SMURF2: variants seen among roughly 807,000 people sequenced by gnomAD.
SMURF2 encodes SMAD specific E3 ubiquitin protein ligase 2.
Under a neutral mutation model 109.6 loss-of-function variants are expected in SMURF2, and 48 were observed. The observed-to-expected ratio is 0.44, with a 90% CI of 0.35 to 0.56. SMURF2 has a LOEUF of 0.56. SMURF2 is among the 20% of genes least tolerant of loss of function. SMURF2 has a pLI of 0.01. For missense variants in SMURF2, 575 were observed against 909.0 expected (o/e 0.63, Z 4.72); for synonymous variants, 288 against 317.1 (o/e 0.91, Z 0.97).
rs561588032 is a variant in SMURF2, at chr17:64,599,608, C to T, written c.92-1118G>A. Reference sequence around the variant, plus strand: ...TGAGCTCCGCCTTCTGTCAGATCAGCGGCAGCATTAGATGCTCATAGGAGC... The same window carrying T: ...TGAGCTCCGCCTTCTGTCAGATCAGTGGCAGCATTAGATGCTCATAGGAGC... On this transcript the variant is annotated intron_variant, in intron 2 of 18. Coordinates refer to ENST00000262435, the MANE Select transcript of SMURF2 (RefSeq NM_022739.4). Among the ~76,000 whole-genome samples, 13 of 152,300 alleles carry T rather than the reference C, an allele frequency of 8.5e-5. No individual in the cohort carries two copies. The South Asian group carries it at 1.9e-3, about 22-fold the overall frequency.
intron 3 of SMURF2, among the ~76,000 whole-genome samples, chr17:64,593,781 ACT>A (rs1969780344): frequency 6.6e-6 from 1 of 152,146 alleles, no homozygotes; most frequent in African/African-American, 2.4e-5. Flanking sequence ...CACATCTGCC[ACT>A]CTCAAGCTGG....
At chr17:64,637,344 C>A (rs1456711673) in intron 1 of SMURF2, among the ~76,000 whole-genome samples, 7 of 151,790 alleles carry the variant, frequency 4.6e-5, no homozygotes, top group Non-Finnish European at 1.0e-4. Flanking sequence ...CCAGACTGGT[C>A]CCGAACTCCT....
chr17:64,545,746 G>GGGGT lies in SMURF2; in HGVS notation c.*101_*102insACCC, dbSNP rs1968943984. On this transcript the variant is annotated 3_prime_UTR_variant, in exon 19 of 19. Coordinates refer to ENST00000262435, the MANE Select transcript of SMURF2 (RefSeq NM_022739.4). ...AAAAAAAAAAAAAGGGGGGGGGGGG[G>GGGGT]AGTGTTTTCCTGTATTTCAGCATAT... 1 of 271,596 alleles carries GGGGT rather than the reference G, an allele frequency of 3.7e-6. No individual in the cohort carries two copies. 16.8% of individuals were successfully genotyped at this position (271,596 alleles called of 1,614,324 possible). A position where few individuals can be genotyped will look rare whatever the true frequency, so the allele number is the denominator to read the frequency against.
intron 5 of SMURF2, 121 bp from the exon 6 acceptor site, chr17:64,586,291 T>G (rs1413983954): frequency 1.8e-6 from 1 of 549,170 alleles, no homozygotes; most frequent in Non-Finnish European, 3.1e-6. Context: ...AATGAACTCT[T>G]TGGTTTCTAC....
chr17:64,629,477 C>G (rs1248738660), intron 1 of SMURF2, among the ~76,000 whole-genome samples: 3 of 152,100 alleles, frequency 2.0e-5, no homozygotes, highest in Admixed American at 6.5e-5. Flanking sequence ...GCACTCCACC[C>G]TGGACAACAG....
intron 15 of SMURF2, among the ~76,000 whole-genome samples, chr17:64,554,418 G>T (rs1453429425): frequency 1.3e-5 from 2 of 152,142 alleles, no homozygotes; most frequent in Non-Finnish European, 2.9e-5. Flanking sequence ...GAGTGGCTAT[G>T]GGGGGAGGGA....
At chr17:64,609,533 T>TA (rs1970014418) in intron 1 of SMURF2, among the ~76,000 whole-genome samples, 2 of 152,226 alleles carry the variant, frequency 1.3e-5, no homozygotes, top group Admixed American at 6.5e-5. Context: ...AAGGATTCCC[T>TA]ATGTAATAAA....
At chr17:64,650,752 C>T (rs2144733443) in intron 1 of SMURF2, among the ~76,000 whole-genome samples, 1 of 152,094 alleles carries the variant, frequency 6.6e-6, no homozygotes, top group East Asian at 1.9e-4. Flanking sequence ...ATTGCTTGAA[C>T]CTGAGAGGCT....
rs146827815 is a variant in SMURF2 at position 64,656,590 on chromosome 17, T to C, written c.52+5239A>G. Among the ~76,000 whole-genome samples the C allele has an allele frequency of 4.5e-4, 68 of 152,140 alleles. No individual in the cohort carries two copies. The East Asian group carries it at 0.013, about 28-fold the overall frequency. ...AGAAGCAGCCTAAAGGAAAAATTAC[T>C]CATGAAACCTTAAAAATATCCACAC... On this transcript the variant is annotated intron_variant, in intron 1 of 18. Coordinates refer to ENST00000262435, the MANE Select transcript of SMURF2 (RefSeq NM_022739.4).
At chr17:64,587,213 G>C (rs1969676450) in intron 5 of SMURF2, among the ~76,000 whole-genome samples, 1 of 152,044 alleles carries the variant, frequency 6.6e-6, no homozygotes, top group African/African-American at 2.4e-5. Context: ...AAAATACACT[G>C]TATTCTAGCA....
chr17:64,562,795 C>A lies in SMURF2; in HGVS notation c.1188G>T (p.Glu396Asp). The A allele has an allele frequency of 6.2e-7, 1 of 1,613,910 alleles. No individual in the cohort carries two copies. Among genetic ancestry groups the A allele is most frequent in the Admixed American group, 1.7e-5 (1 of 59,932 alleles). ...CCTCAAAAATCTCTTCCCTGGAAAC[C>A]TCAATGCGGCAATGACCTGCCTGAG... ...QQPQAGHCRI[E>D]VSREEIFEES... Residue 396 changes from glutamate (E) to aspartate (D), a missense_variant, in exon 11 of 19, where the codon GAG becomes GAT. Coordinates refer to ENST00000262435, the MANE Select transcript of SMURF2 (RefSeq NM_022739.4).
intron 1 of SMURF2, among the ~76,000 whole-genome samples, chr17:64,617,065 TAAAAAAAAAAAAAAAA>T (rs35408397): frequency 6.2e-5 from 3 of 48,508 alleles, no homozygotes; most frequent in African/African-American, 1.7e-4. Flanking sequence ...AGACCTTGTC[TAAAAAAAAAAAAAAAA>T]AAAAAAAAAA....
At chr17:64,646,820 T>C (rs1970565942) in intron 1 of SMURF2, among the ~76,000 whole-genome samples, 1 of 152,234 alleles carries the variant, frequency 6.6e-6, no homozygotes, top group Admixed American at 6.5e-5. Context: ...ACCAACATTC[T>C]GATTTGTCTC....
chr17:64,646,219 C>T (rs1422221377), intron 1 of SMURF2, among the ~76,000 whole-genome samples: 3 of 151,808 alleles, frequency 2.0e-5, no homozygotes, highest in Non-Finnish European at 4.4e-5. Context: ...GCGCACACCA[C>T]CATGCCCAAC....
intron 2 of SMURF2, among the ~76,000 whole-genome samples, chr17:64,601,256 A>C (rs1969891803): frequency 1.3e-5 from 2 of 152,118 alleles, no homozygotes; most frequent in African/African-American, 4.8e-5. Flanking sequence ...ACCCTATCTC[A>C]GTGGAAAAAA....
At chr17:64,586,750 C>CAAAAAAAA (rs782490512) in intron 5 of SMURF2, among the ~76,000 whole-genome samples, 2 of 27,454 alleles carry the variant, frequency 7.3e-5, no homozygotes, top group African/African-American at 1.3e-4. Flanking sequence ...GACTCCGTCT[C>CAAAAAAAA]AAAAAAAAAA....
chr17:64,659,201 T>C, intron 1 of SMURF2, among the ~76,000 whole-genome samples: 1 of 152,088 alleles, frequency 6.6e-6, no homozygotes, highest in East Asian at 1.9e-4. Flanking sequence ...GTAAGAAATG[T>C]TTATACCTTT....
At position 64,642,986 on chromosome 17, in the gene SMURF2, G is replaced by A. The variant is rs73333973; in HGVS notation, c.52+18843C>T. 2.1e-3 allele frequency among the ~76,000 whole-genome samples: 322 copies of A among 151,892 alleles called. 1 individual carries two copies. The highest frequency in any genetic ancestry group is 7.4e-3 in the African/African-American group (307 of 41,424). ...ATTTTTTTGTATGTTTTGTAGAGAC[G>A]GAGTTTCACCCTGTTATCCAGGCTT... is the stretch of plus-strand genomic sequence containing the variant. On this transcript the variant is annotated intron_variant, in intron 1 of 18. Transcript: ENST00000262435.
chr17:64,585,462 C>T (rs1437110388), intron 6 of SMURF2, among the ~76,000 whole-genome samples: 27 of 152,116 alleles, frequency 1.8e-4, no homozygotes, highest in African/African-American at 5.8e-4. Context: ...TATGAGTATG[C>T]TATTATCACT....
Sources: gnomAD v4.1 joint callset for allele counts (sites outside exome capture counted in the v4.1 genomes callset) on GRCh38, gnomAD v4.1.1 for gene constraint, MANE v1.5 for transcripts, NCBI Gene and HGNC (gene_info 2026-07-23, HGNC 2026-07-21) for gene names.